AUH: variants seen among roughly 807,000 people sequenced by gnomAD.
The protein encoded by AUH is methylglutaconyl-CoA hydratase, mitochondrial.
A neutral mutation model predicts 42.3 loss-of-function variants in AUH; 29 were observed. The ratio of observed to expected loss-of-function variants is 0.69; its 90% confidence interval spans 0.51 to 0.93. The LOEUF (loss-of-function observed/expected upper bound fraction) is 0.93, where lower values mean the gene tolerates loss of function less well. Ranked by LOEUF, AUH falls within the 40% of genes least tolerant of loss-of-function variation. The probability of loss-of-function intolerance (pLI) is 0.00; values close to 1 mark genes in which losing one functional copy is unlikely to be tolerated. For missense variants in AUH, 452 were observed against 438.1 expected (o/e 1.03, Z -0.28); for synonymous variants, 174 against 166.4 (o/e 1.05, Z -0.35).
chr9:91,287,837 G>A lies in AUH; in HGVS notation c.655+8184C>T, dbSNP rs148141811. 2.6e-4 allele frequency among the ~76,000 whole-genome samples: 39 copies of A among 152,164 alleles called. No individual in the cohort carries two copies. In the East Asian group the frequency reaches 6.7e-3, roughly 26 times the overall value. On this transcript the variant is annotated intron_variant, in intron 6 of 9. Transcript: ENST00000375731. ...GTTAATATTCTTGGGTGTGATAATA[G>A]TGTTGATTATGTAAGAGACCATTCT...
intron 6 of AUH, among the ~76,000 whole-genome samples, chr9:91,270,522 T>A (rs1825031583): frequency 1.3e-5 from 2 of 152,124 alleles, no homozygotes; most frequent in Non-Finnish European, 1.5e-5. Flanking sequence ...CCAATATACT[T>A]CTCAGTATAA....
intron 6 of AUH, among the ~76,000 whole-genome samples, chr9:91,291,166 C>T (rs1427883126): frequency 6.6e-6 from 1 of 152,216 alleles, no homozygotes; most frequent in Non-Finnish European, 1.5e-5. Context: ...TTCTCTTCTT[C>T]TGTGCCTTCC....
intron 3 of AUH, among the ~76,000 whole-genome samples, chr9:91,327,665 G>A (rs920626777): frequency 6.6e-6 from 1 of 152,208 alleles, no homozygotes; most frequent in South Asian, 2.1e-4. Context: ...CAGGCGACAG[G>A]AATGAAAGGG....
intron 1 of AUH, among the ~76,000 whole-genome samples, chr9:91,360,940 T>C (rs1229234776): frequency 6.6e-6 from 1 of 152,196 alleles, no homozygotes; most frequent in Non-Finnish European, 1.5e-5. Flanking sequence ...AACTGAGCTG[T>C]AACAGTATTC....
chr9:91,273,386 G>GT (rs75515367), intron 6 of AUH, among the ~76,000 whole-genome samples: 14,074 of 152,216 alleles, frequency 0.092, 790 homozygotes, highest in African/African-American at 0.15. Context: ...GGTATTCCTT[G>GT]TAACACAGTT....
chr9:91,262,513 G>C (rs1199777397), intron 6 of AUH, among the ~76,000 whole-genome samples: 2 of 152,106 alleles, frequency 1.3e-5, no homozygotes, highest in Non-Finnish European at 2.9e-5. Context: ...CAGCATATGA[G>C]AGTAAACTTA....
chr9:91,329,096 T>C (rs777624664), intron 3 of AUH, among the ~76,000 whole-genome samples: 1 of 152,212 alleles, frequency 6.6e-6, no homozygotes, highest in African/African-American at 2.4e-5. Flanking sequence ...CATGAAGTAT[T>C]CCACTGTATG....
At chr9:91,360,727 A>G (rs1832783424) in intron 1 of AUH, among the ~76,000 whole-genome samples, 1 of 152,180 alleles carries the variant, frequency 6.6e-6, no homozygotes, top group Non-Finnish European at 1.5e-5. Context: ...ACAGCCTACT[A>G]ATAACCAGGA....
intron 6 of AUH, among the ~76,000 whole-genome samples, chr9:91,284,351 A>G (rs1266227542): frequency 6.6e-6 from 1 of 152,248 alleles, no homozygotes; most frequent in Non-Finnish European, 1.5e-5. Flanking sequence ...ACCCAAAACC[A>G]TAAAAACCCT....
chr9:91,214,536 A>G, intron 9 of AUH, 111 bp from the exon 10 acceptor site: 4 of 866,444 alleles, frequency 4.6e-6, no homozygotes, highest in Non-Finnish European at 7.1e-6. Context: ...TTTTGAAATC[A>G]GTCACCTGAA....
intron 4 of AUH, chr9:91,306,435 G>A (rs1210766866): frequency 1.1e-6 from 1 of 941,362 alleles, no homozygotes; most frequent in Non-Finnish European, 1.3e-6. Flanking sequence ...TTCTATTTCT[G>A]ATAAAAAGAT....
chr9:91,306,161 C>G (rs554813920), intron 4 of AUH, among the ~76,000 whole-genome samples: 1 of 152,254 alleles, frequency 6.6e-6, no homozygotes, highest in East Asian at 1.9e-4. Flanking sequence ...CAGTGCCCCC[C>G]AGTACACGAC....
intron 6 of AUH, among the ~76,000 whole-genome samples, chr9:91,223,428 T>G (rs926386130): frequency 2.0e-5 from 3 of 152,220 alleles, no homozygotes; most frequent in Non-Finnish European, 4.4e-5. Context: ...CTGAATAACA[T>G]TCCATTGTAC....
rs1001980722 is a variant in AUH, at chr9:91,236,737, C to T, written c.656-15745G>A. On this transcript the variant is annotated intron_variant, in intron 6 of 9. Coordinates refer to ENST00000375731, the MANE Select transcript of AUH (RefSeq NM_001698.3). ...GCAGTCACAGACTGCTAAAATTCAGCTCATGGACAGTATGAGACAATGTAT... is the reference window on the plus strand; with the variant it reads ...GCAGTCACAGACTGCTAAAATTCAGTTCATGGACAGTATGAGACAATGTAT... Among the ~76,000 whole-genome samples the T allele has an allele frequency of 4.4e-4, 67 of 152,124 alleles. 1 individual carries two copies. The highest frequency in any genetic ancestry group is 4.4e-3 in the Admixed American group (67 of 15,272).
chr9:91,292,514 A>C (rs1400366083), intron 6 of AUH, among the ~76,000 whole-genome samples: 1 of 151,734 alleles, frequency 6.6e-6, no homozygotes, highest in African/African-American at 2.4e-5. Context: ...CCTGACCTCA[A>C]GTGATCCACC....
Position 91,361,727 on chromosome 9 carries a change from C to G in AUH, c.163G>C (p.Val55Leu), listed in dbSNP as rs1414667415. 6.5e-7 allele frequency: 1 copy of G among 1,549,628 alleles called. No individual in the cohort carries two copies. Among genetic ancestry groups the G allele is most frequent in the Admixed American group, 2.0e-5 (1 of 50,996 alleles). ...GGGGCGGGACCCCCGGCCGCAGGTA[C>G]CCAGCCCTGGGCCCAGATCGCCGGG... ...AGPAIWAQGW[V>L]PAAGGPAPKR... Residue 55 changes from valine (V) to leucine (L), a missense_variant, in exon 1 of 10, where the codon GTA becomes CTA. Val to Leu is a conservative substitution (Grantham distance 32, BLOSUM62 1). Transcript: ENST00000375731.
chr9:91,295,012 T>C (rs1564073805), intron 6 of AUH, among the ~76,000 whole-genome samples: 1 of 152,216 alleles, frequency 6.6e-6, no homozygotes, highest in Non-Finnish European at 1.5e-5. Context: ...GAGAGATCAC[T>C]GAACCATGGA....
chr9:91,231,250 G>A (rs957611102), intron 6 of AUH, among the ~76,000 whole-genome samples: 3 of 152,172 alleles, frequency 2.0e-5, no homozygotes, highest in Admixed American at 1.3e-4. Flanking sequence ...ATAATCTCGT[G>A]GTGCGCCGTT....
intron 6 of AUH, among the ~76,000 whole-genome samples, chr9:91,276,670 A>T (rs974809019): frequency 6.6e-6 from 1 of 152,116 alleles, no homozygotes; most frequent in Non-Finnish European, 1.5e-5. Context: ...AACTTTTTTT[A>T]AAAAAGGATC....
Sources: allele counts gnomAD v4.1 joint callset (sites outside exome capture counted in the v4.1 genomes callset), GRCh38; gene constraint gnomAD v4.1.1; transcripts MANE v1.5; gene names NCBI Gene and HGNC (gene_info 2026-07-23, HGNC 2026-07-21).